The following CUL3 variants were observed in gnomAD, a reference collection of about 807,000 sequenced individuals.
The protein encoded by CUL3 is cullin 3.
Under a neutral mutation model 89.1 loss-of-function variants are expected in CUL3, and 19 were observed. The ratio of observed to expected loss-of-function variants is 0.21; its 90% confidence interval spans 0.15 to 0.31. The LOEUF (loss-of-function observed/expected upper bound fraction) is 0.31. Ranked by LOEUF, CUL3 falls within the 10% of genes least tolerant of loss-of-function variation. The pLI is 1.00. For synonymous variants in CUL3, 351 were observed against 308.4 expected, an observed-to-expected ratio of 1.14 and a Z score of -1.45; for missense variants, 469 against 942.3, an observed-to-expected ratio of 0.50 and a Z score of 6.58.
At chr2:224,514,867 A>G in intron 3 of CUL3, 95 bp from the exon 4 acceptor site, 1 of 924,514 alleles carries the variant, frequency 1.1e-6, no homozygotes, top group Non-Finnish European at 1.6e-6. Flanking sequence ...AAATTCCAAA[A>G]GCAATCATTT....
At chr2:224,580,881 A>AT (rs34333381) in intron 1 of CUL3, among the ~76,000 whole-genome samples, 33 of 112,788 alleles carry the variant, frequency 2.9e-4, no homozygotes, top group East Asian at 5.1e-4. Flanking sequence ...AGTGCTTGAG[A>AT]TTTTTTTTTT....
intron 1 of CUL3, among the ~76,000 whole-genome samples, chr2:224,580,309 AG>A (rs1695402962): frequency 6.6e-6 from 1 of 152,236 alleles, no homozygotes. Flanking sequence ...TTCTAGGAAA[AG>A]GTCTATTTAA....
intron 3 of CUL3, among the ~76,000 whole-genome samples, chr2:224,517,617 G>A (rs768338426): frequency 6.6e-6 from 1 of 152,178 alleles, no homozygotes; most frequent in African/African-American, 2.4e-5. Flanking sequence ...AGGCTGCAAT[G>A]AGCCAGCCCC....
At chr2:224,487,350 G>C (rs1252171624) in intron 13 of CUL3, among the ~76,000 whole-genome samples, 1 of 150,032 alleles carries the variant, frequency 6.7e-6, no homozygotes. Flanking sequence ...AGGCCTATCA[G>C]TGTGCTGTAT....
chr2:224,530,940 T>C (rs1328676756), intron 3 of CUL3, among the ~76,000 whole-genome samples: 1 of 151,958 alleles, frequency 6.6e-6, no homozygotes, highest in Non-Finnish European at 1.5e-5. Flanking sequence ...AAAAACCCCA[T>C]AAAAATGTAC....
intron 1 of CUL3, among the ~76,000 whole-genome samples, chr2:224,578,882 T>A (rs1026901267): frequency 2.0e-5 from 3 of 152,208 alleles, no homozygotes; most frequent in African/African-American, 7.2e-5. Context: ...CCACTTTTTC[T>A]AGCCTTAATC....
chr2:224,540,416 G>T (rs200880452), intron 2 of CUL3, among the ~76,000 whole-genome samples: 1 of 151,600 alleles, frequency 6.6e-6, no homozygotes, highest in African/African-American at 2.4e-5. Flanking sequence ...AAAAAAAAAG[G>T]GAGGGAGGGA....
intron 13 of CUL3, among the ~76,000 whole-genome samples, chr2:224,483,293 C>T (rs1414388135): frequency 6.6e-6 from 1 of 152,070 alleles, no homozygotes; most frequent in Non-Finnish European, 1.5e-5. Context: ...TTTAAGATTA[C>T]AGATCATCCC....
chr2:224,475,676 C>T (rs538001885), intron 15 of CUL3, among the ~76,000 whole-genome samples: 11 of 152,278 alleles, frequency 7.2e-5, no homozygotes, highest in Admixed American at 5.2e-4. Context: ...CTTTGCCCTT[C>T]TTTTCTTCCA....
At chr2:224,564,181 G>A (rs1169845611) in intron 1 of CUL3, among the ~76,000 whole-genome samples, 1 of 152,198 alleles carries the variant, frequency 6.6e-6, no homozygotes, top group Admixed American at 6.5e-5. Context: ...AGCTACTTGG[G>A]AGGCTAGGGC....
intron 6 of CUL3, among the ~76,000 whole-genome samples, chr2:224,511,040 T>C (rs910543369): frequency 1.3e-5 from 2 of 152,172 alleles, no homozygotes; most frequent in Non-Finnish European, 2.9e-5. Flanking sequence ...CACCCTTTGG[T>C]ATACAGGAAG....
chr2:224,540,142 T>C (rs1694047177), intron 2 of CUL3, among the ~76,000 whole-genome samples: 1 of 151,672 alleles, frequency 6.6e-6, no homozygotes, highest in African/African-American at 2.4e-5. Flanking sequence ...CTGCAACCTC[T>C]GTCTCCCAGG....
At chr2:224,474,834 T>C (rs568879863) in intron 15 of CUL3, among the ~76,000 whole-genome samples, 1 of 152,290 alleles carries the variant, frequency 6.6e-6, no homozygotes, top group African/African-American at 2.4e-5. Context: ...TGTTAACAGA[T>C]GTAACGCCTT....
intron 3 of CUL3, chr2:224,533,028 T>C (rs1156834443): frequency 1.3e-5 from 2 of 152,224 alleles, no homozygotes; most frequent in African/African-American, 4.8e-5. Context: ...GATCATTTAC[T>C]ACAAGGGAGG....
intron 1 of CUL3, among the ~76,000 whole-genome samples, chr2:224,582,657 A>G (rs1695467826): frequency 6.6e-6 from 1 of 152,206 alleles, no homozygotes; most frequent in South Asian, 2.1e-4. Flanking sequence ...ATCATAACGA[A>G]GCTAACAAAA....
chr2:224,574,792 T>C (rs575188780), intron 1 of CUL3, among the ~76,000 whole-genome samples: 1 of 152,346 alleles, frequency 6.6e-6, no homozygotes, highest in African/African-American at 2.4e-5. Context: ...CCTCACAATT[T>C]GTGAAAGACT....
chr2:224,480,538 T>G (rs200483061), intron 14 of CUL3, among the ~76,000 whole-genome samples: 2 of 152,174 alleles, frequency 1.3e-5, no homozygotes, highest in Non-Finnish European at 2.9e-5. Context: ...GATACACACA[T>G]AAGTGTGCAC....
At chr2:224,491,866 G>C (rs1432620644) in intron 13 of CUL3, among the ~76,000 whole-genome samples, 1 of 152,132 alleles carries the variant, frequency 6.6e-6, no homozygotes, top group East Asian at 1.9e-4. Context: ...GCAACTGCTT[G>C]TTTTTACAAT....
intron 14 of CUL3, 165 bp from the exon 15 acceptor site, chr2:224,478,510 CTT>C: frequency 6.2e-6 from 3 of 485,938 alleles, no homozygotes; most frequent in Middle Eastern, 4.8e-4. Context: ...TTAATGTTTA[CTT>C]GAATACTAAA....
Sources: gnomAD v4.1 joint callset for allele counts (sites outside exome capture counted in the v4.1 genomes callset) on GRCh38, gnomAD v4.1.1 for gene constraint, MANE v1.5 for transcripts, NCBI Gene and HGNC (gene_info 2026-07-23, HGNC 2026-07-21) for gene names.